The following LHFPL3 variants were observed in gnomAD, a reference collection of about 807,000 sequenced individuals.
The protein encoded by LHFPL3 is LHFPL tetraspan subfamily member 3.
In LHFPL3, 5 loss-of-function variants were observed where a neutral mutation model predicts 19.3. That is an observed-to-expected ratio of 0.26 (90% confidence interval 0.14 to 0.54). The LOEUF (loss-of-function observed/expected upper bound fraction) is 0.54, where lower values mean the gene tolerates loss of function less well. Ranked by LOEUF, LHFPL3 falls within the 20% of genes least tolerant of loss-of-function variation. The probability of loss-of-function intolerance (pLI) is 0.94; values close to 1 mark genes in which losing one functional copy is unlikely to be tolerated. For synonymous variants in LHFPL3, 133 were observed against 126.2 expected, an observed-to-expected ratio of 1.05 and a Z score of -0.36; for missense variants, 249 against 307.4, an observed-to-expected ratio of 0.81 and a Z score of 1.42.
intron 1 of LHFPL3, among the ~76,000 whole-genome samples, chr7:104,656,994 G>A (rs1792133008): frequency 6.6e-6 from 1 of 152,162 alleles, no homozygotes; most frequent in Non-Finnish European, 1.5e-5. Flanking sequence ...GAAGGTCATG[G>A]CCTCTCATTT....
chr7:104,505,625 G>A (rs1356640625), intron 1 of LHFPL3, among the ~76,000 whole-genome samples: 1 of 152,158 alleles, frequency 6.6e-6, no homozygotes, highest in Admixed American at 6.5e-5. Flanking sequence ...ATTGCAATCA[G>A]TTAATTATCA....
intron 2 of LHFPL3, among the ~76,000 whole-genome samples, chr7:104,770,112 T>C (rs1367969483): frequency 1.3e-5 from 2 of 152,142 alleles, no homozygotes; most frequent in Non-Finnish European, 2.9e-5. Context: ...GTCAGCCTGG[T>C]ACGAGATATT....
intron 1 of LHFPL3, among the ~76,000 whole-genome samples, chr7:104,497,091 T>C (rs149844606): frequency 9.0e-4 from 137 of 152,152 alleles, no homozygotes; most frequent in Middle Eastern, 3.4e-3. Flanking sequence ...GTAACTTCAC[T>C]GGGGATGCTG....
chr7:104,898,793 T>C (rs12670275), intron 2 of LHFPL3, among the ~76,000 whole-genome samples: 10,720 of 151,364 alleles, frequency 0.071, 928 homozygotes, highest in East Asian at 0.45. Flanking sequence ...ACACTCCAGC[T>C]TCAGTGACAG....
At chr7:104,668,333 A>G (rs1792400054) in intron 1 of LHFPL3, 1 of 1,596,424 alleles carries the variant, frequency 6.3e-7, no homozygotes, top group Non-Finnish European at 8.6e-7. Flanking sequence ...CTGACAAAAC[A>G]GATACAGACT....
intron 2 of LHFPL3, among the ~76,000 whole-genome samples, chr7:104,779,501 C>T (rs1794684909): frequency 6.6e-6 from 1 of 152,078 alleles, no homozygotes; most frequent in Non-Finnish European, 1.5e-5. Context: ...CAGGATGCCT[C>T]TTGGTTAGAT....
At chr7:104,874,423 C>G (rs1248403886) in intron 2 of LHFPL3, among the ~76,000 whole-genome samples, 1 of 139,890 alleles carries the variant, frequency 7.1e-6, no homozygotes, top group African/African-American at 2.7e-5. Flanking sequence ...GGGACAGAGT[C>G]TCGTTCTGTC....
At chr7:104,833,402 A>T (rs1373916261) in intron 2 of LHFPL3, among the ~76,000 whole-genome samples, 2 of 6,744 alleles carry the variant, frequency 3.0e-4, no homozygotes, top group African/African-American at 4.3e-4. Context: ...TATATATATT[A>T]TATATATATA....
chr7:104,745,177 C>G (rs993603746), intron 2 of LHFPL3, among the ~76,000 whole-genome samples: 4 of 152,204 alleles, frequency 2.6e-5, no homozygotes, highest in Non-Finnish European at 5.9e-5. Context: ...CTCTGGCCAA[C>G]AAATTGTCCG....
chr7:104,520,210 G>C (rs1263340149), intron 1 of LHFPL3, among the ~76,000 whole-genome samples: 1 of 152,018 alleles, frequency 6.6e-6, no homozygotes, highest in African/African-American at 2.4e-5. Flanking sequence ...ATAATCATGT[G>C]GTTTTTGTCT....
At chr7:104,786,007 C>A (rs1487123065) in intron 2 of LHFPL3, among the ~76,000 whole-genome samples, 1 of 152,222 alleles carries the variant, frequency 6.6e-6, no homozygotes, top group Non-Finnish European at 1.5e-5. Flanking sequence ...CCCTTCTGTA[C>A]CTCCATGTAC....
intron 1 of LHFPL3, among the ~76,000 whole-genome samples, chr7:104,585,013 A>G (rs775991718): frequency 6.6e-6 from 1 of 152,188 alleles, no homozygotes; most frequent in Non-Finnish European, 1.5e-5. Flanking sequence ...TGGCTATTCT[A>G]TTACACTGCA....
intron 1 of LHFPL3, among the ~76,000 whole-genome samples, chr7:104,450,742 A>G (rs1792419359): frequency 6.6e-6 from 1 of 152,220 alleles, no homozygotes; most frequent in South Asian, 2.1e-4. Context: ...AACACTGAAA[A>G]AAAACTAGCA....
chr7:104,884,328 A>G (rs1019810103), intron 2 of LHFPL3, among the ~76,000 whole-genome samples: 1 of 152,086 alleles, frequency 6.6e-6, no homozygotes, highest in Non-Finnish European at 1.5e-5. Flanking sequence ...CAGCTTGCCA[A>G]GCATGTCCTC....
intron 1 of LHFPL3, among the ~76,000 whole-genome samples, chr7:104,561,829 C>G (rs1453855432): frequency 6.6e-6 from 1 of 152,114 alleles, no homozygotes; most frequent in Non-Finnish European, 1.5e-5. Context: ...ACTGGTTGTT[C>G]CTTTCCATGT....
chr7:104,493,928 A>G (rs1793407846), intron 1 of LHFPL3, among the ~76,000 whole-genome samples: 1 of 152,196 alleles, frequency 6.6e-6, no homozygotes, highest in Admixed American at 6.5e-5. Context: ...AGTGTAAAAA[A>G]CACACCAGAT....
At chr7:104,593,254 G>C (rs10242469) in intron 1 of LHFPL3, among the ~76,000 whole-genome samples, 6,575 of 152,146 alleles carry the variant, frequency 0.043, 163 homozygotes, top group African/African-American at 0.062. Context: ...GTTCTCGTTG[G>C]TTTCAAAGAA....
intron 2 of LHFPL3, among the ~76,000 whole-genome samples, chr7:104,749,972 A>C (rs1003833456): frequency 3.9e-5 from 6 of 152,138 alleles, no homozygotes; most frequent in African/African-American, 1.4e-4. Flanking sequence ...CCTGGTATAT[A>C]TCCCATCTTG....
At chr7:104,629,771 T>G (rs1413779066) in intron 1 of LHFPL3, among the ~76,000 whole-genome samples, 1 of 152,232 alleles carries the variant, frequency 6.6e-6, no homozygotes, top group Non-Finnish European at 1.5e-5. Context: ...AACATGGCCC[T>G]GGGCTGTAAC....
Sources: allele counts gnomAD v4.1 joint callset (sites outside exome capture counted in the v4.1 genomes callset), GRCh38; gene constraint gnomAD v4.1.1; transcripts MANE v1.5; gene names NCBI Gene and HGNC (gene_info 2026-07-23, HGNC 2026-07-21).